DLG2: variants seen among roughly 807,000 people sequenced by gnomAD.
DLG2 encodes the protein disks large homolog 2.
DLG2 carries 45 observed loss-of-function variants against 132.5 expected under a neutral mutation model. The observed-to-expected ratio is 0.34, with a 90% CI of 0.27 to 0.44. The LOEUF (loss-of-function observed/expected upper bound fraction) is 0.44, where lower values mean the gene tolerates loss of function less well. Among genes scored for constraint, DLG2 ranks in the 20% least tolerant of loss-of-function variants. The pLI is 1.00. For synonymous variants in DLG2, 424 were observed against 419.6 expected, an observed-to-expected ratio of 1.01 and a Z score of -0.13; for missense variants, 1,045 against 1,196.9, an observed-to-expected ratio of 0.87 and a Z score of 1.87.
intron 7 of DLG2, among the ~76,000 whole-genome samples, chr11:84,413,191 A>G (rs1331169867): frequency 2.6e-5 from 4 of 152,148 alleles, no homozygotes; most frequent in Non-Finnish European, 5.9e-5. Context: ...TCACATCCAG[A>G]GCCCACCTAG....
rs181191262 is a variant in DLG2 at position 83,519,048 on chromosome 11, G to A, written c.2193+13660C>T. On this transcript the variant is annotated intron_variant, in intron 21 of 27. Coordinates refer to ENST00000376104, the MANE Select transcript of DLG2 (RefSeq NM_001142699.3). ...GAACTTAAAACACAGTGCAGAGAGA[G>A]CAGCCACAGAGGGTGTCTGTAGTAT... Among the ~76,000 whole-genome samples the A allele has an allele frequency of 4.6e-5, 7 of 152,254 alleles. No homozygotes were observed. In the East Asian group the frequency reaches 1.2e-3, roughly 25 times the overall value.
chr11:84,114,963 C>T (rs1233222515), intron 9 of DLG2, among the ~76,000 whole-genome samples: 1 of 152,072 alleles, frequency 6.6e-6, no homozygotes, highest in African/African-American at 2.4e-5. Context: ...AGCCACCTCA[C>T]CTGGGCTGAC....
intron 19 of DLG2, among the ~76,000 whole-genome samples, chr11:83,544,208 C>A (rs1422114634): frequency 6.6e-6 from 1 of 152,174 alleles, no homozygotes; most frequent in East Asian, 1.9e-4. Flanking sequence ...GTCCTATGGT[C>A]CTGCTCCCTT....
At chr11:83,499,890 T>TATATAC (rs2094372816) in intron 21 of DLG2, among the ~76,000 whole-genome samples, 1 of 108,138 alleles carries the variant, frequency 9.2e-6, no homozygotes, top group Admixed American at 9.0e-5. Context: ...TATATATATA[T>TATATAC]ATATATATCA....
intron 8 of DLG2, among the ~76,000 whole-genome samples, chr11:84,207,818 C>T (rs1445884216): frequency 2.0e-5 from 3 of 152,128 alleles, no homozygotes; most frequent in African/African-American, 4.8e-5. Context: ...TCAAAAGTCA[C>T]TCTTGAGAAA....
intron 9 of DLG2, among the ~76,000 whole-genome samples, chr11:84,127,315 C>T (rs1209395790): frequency 1.3e-5 from 2 of 152,154 alleles, no homozygotes; most frequent in Non-Finnish European, 2.9e-5. Flanking sequence ...TTCCAATACT[C>T]CCCAGTGATC....
chr11:84,939,056 T>C (rs1480278406), intron 6 of DLG2, among the ~76,000 whole-genome samples: 1 of 152,062 alleles, frequency 6.6e-6, no homozygotes, highest in African/African-American at 2.4e-5. Context: ...TAAAACAATA[T>C]GATTATCTCC....
At chr11:84,531,110 C>T (rs958275689) in intron 7 of DLG2, among the ~76,000 whole-genome samples, 2 of 151,558 alleles carry the variant, frequency 1.3e-5, no homozygotes, top group East Asian at 1.9e-4. Context: ...AGGGAAACTT[C>T]GTTTCAAAAA....
chr11:83,978,513 T>C (rs2092481984), intron 12 of DLG2, among the ~76,000 whole-genome samples: 1 of 152,120 alleles, frequency 6.6e-6, no homozygotes. Flanking sequence ...ACAACCTTTG[T>C]TGTCCAGAAG....
At chr11:85,088,294 A>G (rs1229905935) in intron 6 of DLG2, among the ~76,000 whole-genome samples, 1 of 152,206 alleles carries the variant, frequency 6.6e-6, no homozygotes, top group Non-Finnish European at 1.5e-5. Flanking sequence ...AATGAAGGTA[A>G]TCGACAGAAT....
At chr11:83,536,438 T>G (rs80256124) in intron 20 of DLG2, among the ~76,000 whole-genome samples, 1,950 of 152,292 alleles carry the variant, frequency 0.013, 41 homozygotes, top group African/African-American at 0.044. Flanking sequence ...GGAGGCTATG[T>G]CTGTGGCTTA....
intron 6 of DLG2, among the ~76,000 whole-genome samples, chr11:84,916,303 T>C (rs1188320778): frequency 3.4e-5 from 4 of 116,034 alleles, no homozygotes; most frequent in Non-Finnish European, 6.5e-5. Context: ...GAGCCGAGAT[T>C]GCGCCACTGC....
chr11:85,449,855 C>T (rs1327879196), intron 3 of DLG2, among the ~76,000 whole-genome samples: 1 of 150,836 alleles, frequency 6.6e-6, no homozygotes, highest in African/African-American at 2.4e-5. Context: ...TGACTAGGCA[C>T]AGTGGGTCAC....
At chr11:83,497,632 G>A (rs982810291) in intron 21 of DLG2, among the ~76,000 whole-genome samples, 1 of 151,332 alleles carries the variant, frequency 6.6e-6, no homozygotes, top group Admixed American at 6.6e-5. Flanking sequence ...TTTTTTTCAT[G>A]AATTTAATCT....
chr11:85,114,240 C>G (rs1427920879), intron 5 of DLG2, among the ~76,000 whole-genome samples: 2 of 151,914 alleles, frequency 1.3e-5, no homozygotes, highest in Non-Finnish European at 2.9e-5. Flanking sequence ...GGGCCTACCT[C>G]CTACTCAAAA....
At chr11:84,637,423 C>T (rs571809173) in intron 6 of DLG2, among the ~76,000 whole-genome samples, 4 of 152,270 alleles carry the variant, frequency 2.6e-5, no homozygotes, top group East Asian at 1.9e-4. Context: ...GTGGTCATGA[C>T]TTTGACTAAG....
At chr11:83,490,565 C>G (rs2093783531) in intron 21 of DLG2, among the ~76,000 whole-genome samples, 1 of 151,910 alleles carries the variant, frequency 6.6e-6, no homozygotes, top group Non-Finnish European at 1.5e-5. Flanking sequence ...ATATTTATCT[C>G]TTCCCAGATT....
rs2057110011 is a variant in DLG2, at chr11:83,839,670, T to C, written c.1566-5900A>G. On this transcript the variant is annotated intron_variant, in intron 16 of 27. Transcript: ENST00000376104. ...TTCAAGTATATTTAAAGTATAGTAG[T>C]ATACATTGAAGTATATATAAGCCAG... 2.0e-5 allele frequency among the ~76,000 whole-genome samples: 3 copies of C among 152,206 alleles called. No homozygotes were observed. The South Asian group carries it at 6.2e-4, about 31-fold the overall frequency.
chr11:83,474,068 C>T (rs1287141871), intron 22 of DLG2, among the ~76,000 whole-genome samples: 1 of 152,002 alleles, frequency 6.6e-6, no homozygotes, highest in Non-Finnish European at 1.5e-5. Flanking sequence ...AGAATGGCGC[C>T]ACCATGCCAA....
Sources: allele counts gnomAD v4.1 joint callset (sites outside exome capture counted in the v4.1 genomes callset), GRCh38; gene constraint gnomAD v4.1.1; transcripts MANE v1.5; gene names NCBI Gene and HGNC (gene_info 2026-07-23, HGNC 2026-07-21).